The following GALNT18 variants were observed in gnomAD, a reference collection of about 807,000 sequenced individuals.
GALNT18 encodes the protein GalNAc-transferase 18.
In GALNT18, 44 loss-of-function variants were observed where a neutral mutation model predicts 69.5. The ratio of observed to expected loss-of-function variants is 0.63; its 90% CI spans 0.50 to 0.81. The LOEUF is 0.81. GALNT18 is among the 40% of genes least tolerant of loss of function. The probability of loss-of-function intolerance (pLI) is 0.00; values close to 1 mark genes in which losing one functional copy is unlikely to be tolerated. For synonymous variants in GALNT18, 364 were observed against 318.2 expected (o/e 1.14, Z -1.53); for missense variants, 715 against 810.0 (o/e 0.88, Z 1.42).
rs1198137548 is a variant in GALNT18 at position 11,292,939 on chromosome 11, C to G, written c.1677+90G>C. On this transcript the variant is annotated intron_variant, in intron 10 of 10. Transcript: ENST00000227756. ...GCCAGTCTGTCTCTCCTTCCCCTTC[C>G]CCTCTCCTCCACCACCTCCCTGGCC... The G allele has an allele frequency of 4.1e-6, 5 of 1,205,068 alleles. No homozygotes were observed. In the African/African-American group the frequency reaches 7.8e-5, roughly 19 times the overall value. 74.6% of individuals were successfully genotyped at this position (1,205,068 alleles called of 1,614,324 possible).
At chr11:11,457,108 G>A (rs968707349) in intron 1 of GALNT18, among the ~76,000 whole-genome samples, 1 of 152,232 alleles carries the variant, frequency 6.6e-6, no homozygotes, top group African/African-American at 2.4e-5. Flanking sequence ...GATGCTGAAA[G>A]TAGGAATTCC....
chr11:11,456,106 C>A (rs950809170), intron 1 of GALNT18, among the ~76,000 whole-genome samples: 5 of 152,032 alleles, frequency 3.3e-5, no homozygotes, highest in Admixed American at 6.5e-5. Flanking sequence ...CACAGAGTGG[C>A]AAAGTGCATT....
chr11:11,319,153 G>A lies in GALNT18; in HGVS notation c.1512+7933C>T, dbSNP rs148145127. Among the ~76,000 whole-genome samples the A allele has an allele frequency of 1.0e-2, 1,516 of 152,158 alleles. 30 individuals carry two copies. The highest frequency in any genetic ancestry group is 0.034 in the African/African-American group (1,416 of 41,464). Reference sequence around the variant, plus strand: ...AGTTCCTCAAATGCACTCAGTACTTGCTTAACCGTCTTACAAAGTCAGCAA... The same window carrying A: ...AGTTCCTCAAATGCACTCAGTACTTACTTAACCGTCTTACAAAGTCAGCAA... On this transcript the variant is annotated intron_variant, in intron 9 of 10. Coordinates refer to ENST00000227756, the MANE Select transcript of GALNT18 (RefSeq NM_198516.3).
At chr11:11,528,336 C>A (rs758715581) in intron 1 of GALNT18, among the ~76,000 whole-genome samples, 72 of 152,296 alleles carry the variant, frequency 4.7e-4, no homozygotes, top group Non-Finnish European at 9.4e-4. Context: ...TGACGGAACT[C>A]AAATGCGGTG....
In GALNT18 at chr11:11,343,342, C is replaced by T. The variant is rs950906940; in HGVS notation, c.1093-2338G>A. On this transcript the variant is annotated intron_variant, in intron 6 of 10. Transcript: ENST00000227756. ...TCCAGCCTAGGCAACAGAGTGAGACCCTGTCTCAAAAAATAAAAAAAATAA... is the reference window on the plus strand; with the variant it reads ...TCCAGCCTAGGCAACAGAGTGAGACTCTGTCTCAAAAAATAAAAAAAATAA... Among the ~76,000 whole-genome samples the T allele has an allele frequency of 2.0e-5, 3 of 151,256 alleles. No individual in the cohort carries two copies. In the East Asian group the frequency reaches 5.8e-4, roughly 29 times the overall value.
Position 11,620,328 on chromosome 11 carries a change from C to T in GALNT18, c.235+1031G>A, listed in dbSNP as rs1434883248. On this transcript the variant is annotated intron_variant, in intron 1 of 10. Coordinates refer to ENST00000227756, the MANE Select transcript of GALNT18 (RefSeq NM_198516.3). This position sits in a 1 kb window ranked among gnomAD's most constrained non-coding sequence, Gnocchi z 6.9. ...AAGTGTGGACGTGAGCGCGCGCGCG[C>T]GCGCGTGTGTGTGTGTGTGTGCACA... Among the ~76,000 whole-genome samples the T allele has an allele frequency of 1.2e-4, 13 of 110,750 alleles. No homozygotes were observed. Among genetic ancestry groups the T allele is most frequent in the Middle Eastern group, 4.8e-3 (1 of 208 alleles). 72.7% of individuals were successfully genotyped at this position (110,750 alleles called of 152,430 possible).
rs1477200876 is a variant in GALNT18 at position 11,542,172 on chromosome 11, A to G, written c.235+79187T>C. Among the ~76,000 whole-genome samples the G allele has an allele frequency of 6.6e-6, 1 of 152,158 alleles. No homozygotes were observed. The highest frequency in any genetic ancestry group is 1.5e-5 in the Non-Finnish European group (1 of 68,022). On this transcript the variant is annotated intron_variant, in intron 1 of 10. Coordinates refer to ENST00000227756, the MANE Select transcript of GALNT18 (RefSeq NM_198516.3). The surrounding 1 kb of genome is among the most constrained non-coding windows in gnomAD (Gnocchi z 4.3). ...ACTTAAGCTTATTTACTGACCATTA[A>G]AGACTTTGCCCAAAGGCTGTGGCTG...
rs1855279394 is a variant in GALNT18 at position 11,432,157 on chromosome 11, G to A, written c.595+464C>T. Among the ~76,000 whole-genome samples the A allele has an allele frequency of 6.6e-6, 1 of 152,284 alleles. No homozygotes were observed. Among genetic ancestry groups the A allele is most frequent in the African/African-American group, 2.4e-5 (1 of 41,550 alleles). On this transcript the variant is annotated intron_variant, in intron 3 of 10. Coordinates refer to ENST00000227756, the MANE Select transcript of GALNT18 (RefSeq NM_198516.3). The surrounding 1 kb of genome is among the most constrained non-coding windows in gnomAD (Gnocchi z 5.8). Reference sequence around the variant, plus strand: ...GCTGTCATTGAGTTACGTGTCCACTGCCATCCCCATCATCACCACCACTAC... The same window carrying A: ...GCTGTCATTGAGTTACGTGTCCACTACCATCCCCATCATCACCACCACTAC...
rs139973965 is a variant in GALNT18 at position 11,564,451 on chromosome 11, AC to A, written c.235+56907del. Among the ~76,000 whole-genome samples the A allele has an allele frequency of 6.6e-6, 1 of 151,672 alleles. No individual in the cohort carries two copies. On this transcript the variant is annotated intron_variant, in intron 1 of 10. Transcript: ENST00000227756. The surrounding 1 kb of genome is among the most constrained non-coding windows in gnomAD (Gnocchi z 4.3). ...ACATAAAATAGCTCCATCACATGAG[AC>A]CCCCCTGGGTCTTCTCATCCATGCC... is the stretch of plus-strand genomic sequence containing the variant.
intron 1 of GALNT18, among the ~76,000 whole-genome samples, chr11:11,589,046 C>T (rs1207966561): frequency 6.6e-6 from 1 of 152,198 alleles, no homozygotes; most frequent in African/African-American, 2.4e-5. Flanking sequence ...TGCATAGAAT[C>T]ACCTTCCCAA....
At chr11:11,333,395 T>C (rs1338705329) in intron 7 of GALNT18, among the ~76,000 whole-genome samples, 1 of 152,210 alleles carries the variant, frequency 6.6e-6, no homozygotes, top group Non-Finnish European at 1.5e-5. Context: ...GTCCCACTCA[T>C]ACTTATAAAG....
Position 11,606,678 on chromosome 11 carries a change from TCCCA to T in GALNT18, c.235+14677_235+14680del. Among the ~76,000 whole-genome samples the T allele has an allele frequency of 6.6e-6, 1 of 152,276 alleles. No individual in the cohort carries two copies. ...CCCTGAAAAGCTGCCCACCTCTTTG[TCCCA>T]TAAGCACCTGGTTTCATCTGAGGAC... On this transcript the variant is annotated intron_variant, in intron 1 of 10. Coordinates refer to ENST00000227756, the MANE Select transcript of GALNT18 (RefSeq NM_198516.3). The surrounding 1 kb of genome is among the most constrained non-coding windows in gnomAD (Gnocchi z 5.4).
chr11:11,547,048 T>G (rs1272576319), intron 1 of GALNT18, among the ~76,000 whole-genome samples: 8 of 152,122 alleles, frequency 5.3e-5, no homozygotes, highest in Non-Finnish European at 1.2e-4. Context: ...CTGATTAATA[T>G]GAAGGATGAA....
intron 1 of GALNT18, among the ~76,000 whole-genome samples, chr11:11,531,353 C>A (rs1326185875): frequency 2.0e-5 from 3 of 152,178 alleles, no homozygotes; most frequent in Non-Finnish European, 4.4e-5. Context: ...GCTGTACCAC[C>A]ACTGCCTGTT....
In GALNT18 at chr11:11,435,339, G is replaced by GCT. The variant is rs780806682; in HGVS notation, c.429-2553_429-2552insAG. On this transcript the variant is annotated intron_variant, in intron 2 of 10. Coordinates refer to ENST00000227756, the MANE Select transcript of GALNT18 (RefSeq NM_198516.3). This position sits in a 1 kb window ranked among gnomAD's most constrained non-coding sequence, Gnocchi z 4.4. ...TTTAATTCCTCCCAGTAGCAGCCCTGATGGTTTGAGCTGCCAGTCTCTGGA... is the reference window on the plus strand; with the variant it reads ...TTTAATTCCTCCCAGTAGCAGCCCTGCTATGGTTTGAGCTGCCAGTCTCTGGA... 1.5e-4 allele frequency among the ~76,000 whole-genome samples: 23 copies of GCT among 152,278 alleles called. No individual in the cohort carries two copies. Among genetic ancestry groups the GCT allele is most frequent in the Non-Finnish European group, 3.4e-4 (23 of 68,026 alleles).
At chr11:11,301,387 T>C (rs1849491791) in intron 9 of GALNT18, among the ~76,000 whole-genome samples, 1 of 152,200 alleles carries the variant, frequency 6.6e-6, no homozygotes, top group Non-Finnish European at 1.5e-5. Context: ...GGTTTGGTTA[T>C]TGGTCATTAA....
rs1461324087 is a variant in GALNT18 at position 11,543,528 on chromosome 11, C to T, written c.235+77831G>A. Among the ~76,000 whole-genome samples the T allele has an allele frequency of 6.6e-6, 1 of 152,162 alleles. No individual in the cohort carries two copies. Among genetic ancestry groups the T allele is most frequent in the Non-Finnish European group, 1.5e-5 (1 of 68,030 alleles). ...TGGCTTCTGCACAGGACACCATTCA[C>T]CAAGTGCTGCTGGAGTCTTTCCCAC... On this transcript the variant is annotated intron_variant, in intron 1 of 10. Coordinates refer to ENST00000227756, the MANE Select transcript of GALNT18 (RefSeq NM_198516.3). The surrounding 1 kb of genome is among the most constrained non-coding windows in gnomAD (Gnocchi z 5.1).
At chr11:11,353,564 T>C (rs911098552) in intron 6 of GALNT18, among the ~76,000 whole-genome samples, 1 of 152,246 alleles carries the variant, frequency 6.6e-6, no homozygotes, top group Non-Finnish European at 1.5e-5. Flanking sequence ...TTAAAGTATT[T>C]CTTTTTTTAT....
chr11:11,274,829 T>A (rs538974095), intron 10 of GALNT18, among the ~76,000 whole-genome samples: 2 of 152,208 alleles, frequency 1.3e-5, no homozygotes, highest in African/African-American at 4.8e-5. Context: ...GCTGTTCTTA[T>A]GATAGTTTGC....
Sources: allele counts gnomAD v4.1 joint callset (sites outside exome capture counted in the v4.1 genomes callset), GRCh38; gene constraint gnomAD v4.1.1; non-coding constraint Gnocchi (gnomAD v3.1); transcripts MANE v1.5; gene names NCBI Gene and HGNC (gene_info 2026-07-23, HGNC 2026-07-21).